The following HK1 variants were observed in gnomAD, a reference collection of about 807,000 sequenced individuals.
HK1 encodes hexokinase 1.
In HK1, 28 loss-of-function variants were observed where a neutral mutation model predicts 91.6. The ratio of observed to expected loss-of-function variants is 0.31; its 90% confidence interval spans 0.23 to 0.42. The LOEUF is 0.42. Among genes scored for constraint, HK1 ranks in the 10% least tolerant of loss-of-function variants. HK1 has a pLI of 1.00. For missense variants in HK1, 770 were observed against 1,219.8 expected (o/e 0.63, Z 5.49); for synonymous variants, 430 against 468.1 (o/e 0.92, Z 1.05).
intron 2 of HK1, among the ~76,000 whole-genome samples, chr10:69,349,970 C>T (rs1848763625): frequency 6.6e-6 from 1 of 152,220 alleles, no homozygotes; most frequent in African/African-American, 2.4e-5. Context: ...CTTACTAGTT[C>T]AGTCAGCTCC....
intron 13 of HK1, among the ~76,000 whole-genome samples, chr10:69,388,930 CCTATT>C (rs1839771572): frequency 6.6e-6 from 1 of 152,230 alleles, no homozygotes; most frequent in Non-Finnish European, 1.5e-5. Flanking sequence ...CCTTGTCTCT[CCTATT>C]CTATGATTCC....
Position 69,289,792 on chromosome 10 carries a change from TTA to T in HK1, c.-115+1023_-115+1024del, listed in dbSNP as rs1423265458. Among the ~76,000 whole-genome samples, 272 of 145,746 alleles carry T rather than the reference TTA, an allele frequency of 1.9e-3. 2 individuals carry two copies. The highest frequency in any genetic ancestry group is 6.4e-3 in the African/African-American group (243 of 38,184). On this transcript the variant is annotated intron_variant, in intron 3 of 21. Coordinates refer to the HK1 transcript ENST00000360289. The stretch of plus-strand genomic sequence containing the variant: ...CGGCCAATTTTTTTTTTTTTTTTTT[TTA>T]AATTTTAACAGAGACAAGGTCTTAC...
chr10:69,355,149 T>A (rs902224733), intron 2 of HK1, among the ~76,000 whole-genome samples: 1 of 151,894 alleles, frequency 6.6e-6, no homozygotes, highest in African/African-American at 2.4e-5. Flanking sequence ...TATTTCTTTA[T>A]ACCTTCATTA....
At chr10:69,352,475 A>G (rs1411683919) in intron 2 of HK1, among the ~76,000 whole-genome samples, 1 of 152,188 alleles carries the variant, frequency 6.6e-6, no homozygotes. Context: ...CCTTTGGACC[A>G]CAAATAATTT....
At chr10:69,366,619 C>T (rs931879531) in intron 4 of HK1, among the ~76,000 whole-genome samples, 1 of 152,166 alleles carries the variant, frequency 6.6e-6, no homozygotes, top group African/African-American at 2.4e-5. Flanking sequence ...GATGTTCTGT[C>T]TGACCTGTTA....
At chr10:69,378,981 C>T (rs182816954) in intron 8 of HK1, among the ~76,000 whole-genome samples, 1 of 152,302 alleles carries the variant, frequency 6.6e-6, no homozygotes, top group Non-Finnish European at 1.5e-5. Flanking sequence ...TTGGGACTCC[C>T]CCGACCCTCC....
At position 69,359,910 on chromosome 10, in the gene HK1, C is replaced by T. The variant is rs1174484180; in HGVS notation, c.240C>T (p.Phe80=). ...SIPDGSEKGD[F]IALDLGGSSF... ...CTCCCTAAACAGAAAAGGGAGATTT[C>T]ATTGCCCTGGATCTTGGTGGGTCTT... The change falls in exon 3 of 18, where the codon TTC becomes TTT. Residue 80 remains phenylalanine, a synonymous_variant. Transcript: ENST00000359426. The T allele has an allele frequency of 6.2e-7, 1 of 1,614,018 alleles. No homozygotes were observed. Among genetic ancestry groups the T allele is most frequent in the African/African-American group, 1.3e-5 (1 of 74,930 alleles).
intron 16 of HK1, 72 bp downstream of exon 16, chr10:69,395,177 G>A: frequency 6.7e-7 from 1 of 1,502,526 alleles, no homozygotes; most frequent in Non-Finnish European, 9.2e-7. Context: ...TGTGATGGGG[G>A]TGGTAGGGAC....
chr10:69,293,930 C>G (rs10998699), intron 3 of HK1, among the ~76,000 whole-genome samples: 1,482 of 142,620 alleles, frequency 0.01, 31 homozygotes, highest in African/African-American at 0.037. Context: ...GGCGTGATCT[C>G]GGCTCACTGC....
intron 5 of HK1, among the ~76,000 whole-genome samples, chr10:69,303,404 G>A (rs1349432538): frequency 6.7e-6 from 1 of 148,782 alleles, no homozygotes; most frequent in African/African-American, 2.5e-5. Flanking sequence ...TCAAGGTAGA[G>A]AATTGCAATA....
At chr10:69,279,185 G>C (rs1844612931) in intron 1 of HK1, among the ~76,000 whole-genome samples, 1 of 152,206 alleles carries the variant, frequency 6.6e-6, no homozygotes, top group Non-Finnish European at 1.5e-5. Flanking sequence ...GGCCCAGGCT[G>C]AGAGGCAGGT....
intron 2 of HK1, among the ~76,000 whole-genome samples, chr10:69,351,375 G>T (rs985738552): frequency 6.6e-6 from 1 of 152,160 alleles, no homozygotes; most frequent in Admixed American, 6.5e-5. Flanking sequence ...TGGGCGTGGT[G>T]GTGGGTGGCT....
chr10:69,374,140 C>T (rs1328129712), intron 7 of HK1, among the ~76,000 whole-genome samples: 2 of 152,206 alleles, frequency 1.3e-5, no homozygotes, highest in African/African-American at 4.8e-5. Flanking sequence ...CCTTTTCTTT[C>T]TGTGGTTCTG....
rs1390822275 is a variant in HK1 at position 69,341,563 on chromosome 10, C to T, written c.64-2264C>T. On this transcript the variant is annotated intron_variant, in intron 1 of 17. Transcript: ENST00000359426. ...CAATGCAGCCTCAACCTCTTGGGCC[C>T]AAGTGATCCTCTTGCCTCAGCCTCC... is the stretch of plus-strand genomic sequence containing the variant. 7.2e-5 allele frequency among the ~76,000 whole-genome samples: 11 copies of T among 152,014 alleles called. 1 individual carries two copies. In the East Asian group the frequency reaches 1.9e-3, roughly 27 times the overall value.
At chr10:69,368,969 G>A (rs1849852270) in intron 5 of HK1, among the ~76,000 whole-genome samples, 2 of 152,202 alleles carry the variant, frequency 1.3e-5, no homozygotes, top group Non-Finnish European at 2.9e-5. Context: ...GACCTCCTGT[G>A]GAGGTTTGCA....
At chr10:69,395,227 C>T (rs1840081812) in intron 16 of HK1, 122 bp downstream of exon 16, 1 of 839,862 alleles carries the variant, frequency 1.2e-6, no homozygotes, top group South Asian at 1.5e-5. Flanking sequence ...ATTTTTTTTC[C>T]TCTGGAATAG....
intron 1 of HK1, among the ~76,000 whole-genome samples, chr10:69,277,544 G>A (rs192275193): frequency 1.5e-4 from 23 of 152,192 alleles, no homozygotes; most frequent in Non-Finnish European, 2.8e-4. Context: ...CTCCAGCCCG[G>A]GCGACAGAGT....
At chr10:69,295,171 T>C (rs945740493) in intron 3 of HK1, among the ~76,000 whole-genome samples, 1 of 152,088 alleles carries the variant, frequency 6.6e-6, no homozygotes, top group Non-Finnish European at 1.5e-5. Flanking sequence ...CAGGGAAGCA[T>C]TGCATCTTCA....
intron 2 of HK1, among the ~76,000 whole-genome samples, chr10:69,351,439 G>T (rs1437666313): frequency 6.6e-6 from 1 of 152,148 alleles, no homozygotes; most frequent in Non-Finnish European, 1.5e-5. Flanking sequence ...AACCCCGGAG[G>T]CGGAGGTTGC....
Sources: gnomAD v4.1 joint callset for allele counts (sites outside exome capture counted in the v4.1 genomes callset) on GRCh38, gnomAD v4.1.1 for gene constraint, MANE v1.5 for transcripts, NCBI Gene and HGNC (gene_info 2026-07-23, HGNC 2026-07-21) for gene names.